SLC14A2: variants seen among roughly 807,000 people sequenced by gnomAD.
SLC14A2 encodes the protein solute carrier family 14 member 2, also known as urea transporter 2.
A neutral mutation model predicts 104.6 loss-of-function variants in SLC14A2; 91 were observed. That is an observed-to-expected ratio of 0.87 (90% CI 0.73 to 1.04). The LOEUF (loss-of-function observed/expected upper bound fraction) is 1.04. SLC14A2 is among the 50% of genes least tolerant of loss of function. The pLI, the probability that SLC14A2 is intolerant of heterozygous loss-of-function variation, is 0.00. For missense variants in SLC14A2, 1,189 were observed against 1,156.0 expected (o/e 1.03, Z -0.41); for synonymous variants, 476 against 466.4 (o/e 1.02, Z -0.27).
At chr18:45,539,164 T>C (rs142640633) in intron 2 of SLC14A2, among the ~76,000 whole-genome samples, 659 of 15,558 alleles carry the variant, frequency 0.042, 8 homozygotes, top group African/African-American at 0.12. Context: ...AGCAATGGAC[T>C]CTAGGTGGAT....
intron 2 of SLC14A2, 111 bp downstream of exon 2, chr18:45,624,925 G>A (rs1334528624): frequency 5.5e-6 from 6 of 1,100,256 alleles, no homozygotes; most frequent in South Asian, 1.6e-5. Context: ...CTGAGGAAGT[G>A]CCACTGTCAG....
At chr18:45,480,324 A>G (rs527959379) in intron 1 of SLC14A2, among the ~76,000 whole-genome samples, 2 of 151,830 alleles carry the variant, frequency 1.3e-5, no homozygotes, top group African/African-American at 4.8e-5. Context: ...TTCTTTCTTC[A>G]CCTTGAGTTT....
At chr18:45,258,686 AG>A (rs1221164953) in intron 1 of SLC14A2, among the ~76,000 whole-genome samples, 1 of 143,112 alleles carries the variant, frequency 7.0e-6, no homozygotes, top group Non-Finnish European at 1.5e-5. Context: ...TCTTTGTTAT[AG>A]TATCTTATTT....
At chr18:45,491,073 C>T (rs1266161482) in intron 2 of SLC14A2, among the ~76,000 whole-genome samples, 2 of 152,176 alleles carry the variant, frequency 1.3e-5, no homozygotes, top group African/African-American at 4.8e-5. Flanking sequence ...TAAGGATATA[C>T]ATACCCTATG....
At chr18:45,672,100 C>T (rs751963898) in intron 16 of SLC14A2, among the ~76,000 whole-genome samples, 15 of 152,154 alleles carry the variant, frequency 9.9e-5, no homozygotes, top group Non-Finnish European at 1.8e-4. Context: ...TTCTCCTGGC[C>T]GCTCCTGTAG....
At chr18:45,194,220 T>C in the SLC14A2 span, among the ~76,000 whole-genome samples, 1 of 152,198 alleles carries the variant, frequency 6.6e-6, no homozygotes, top group Admixed American at 6.5e-5. Context: ...CTAACTAGAA[T>C]CTCCAGTATA....
chr18:45,435,432 G>T (rs79883581), intron 1 of SLC14A2: 1 of 152,272 alleles, frequency 6.6e-6, no homozygotes, highest in African/African-American at 2.4e-5. Context: ...AGAAATCTGT[G>T]CATGAAAAAT....
At chr18:45,373,729 G>A (rs774076266) in intron 1 of SLC14A2, among the ~76,000 whole-genome samples, 4 of 152,192 alleles carry the variant, frequency 2.6e-5, no homozygotes, top group Admixed American at 6.5e-5. Context: ...GTGGTTAAGT[G>A]CACAGGCCTT....
intron 1 of SLC14A2, among the ~76,000 whole-genome samples, chr18:45,271,535 C>A (rs1238418151): frequency 6.6e-6 from 1 of 151,826 alleles, no homozygotes; most frequent in African/African-American, 2.4e-5. Context: ...ATCTGAAACA[C>A]AAATCAAAAA....
upstream of SLC14A2, among the ~76,000 whole-genome samples, chr18:45,210,041 A>C (rs1025514543): frequency 7.2e-5 from 11 of 152,162 alleles, no homozygotes; most frequent in African/African-American, 2.4e-4. Flanking sequence ...TGCATGTCTT[A>C]CCTCCTCAAA....
At chr18:45,308,966 A>C (rs2085051153) in intron 1 of SLC14A2, among the ~76,000 whole-genome samples, 1 of 152,128 alleles carries the variant, frequency 6.6e-6, no homozygotes, top group South Asian at 2.1e-4. Flanking sequence ...AGGAACTCAG[A>C]CTTAGGAGGG....
chr18:45,323,711 A>C (rs758360710), intron 1 of SLC14A2, among the ~76,000 whole-genome samples: 76 of 152,186 alleles, frequency 5.0e-4, no homozygotes, highest in Admixed American at 9.8e-4. Flanking sequence ...GCATCCTAGC[A>C]CTTCCTGTGT....
intron 2 of SLC14A2, among the ~76,000 whole-genome samples, chr18:45,539,243 T>C (rs1401404660): frequency 2.0e-5 from 3 of 152,104 alleles, no homozygotes; most frequent in Non-Finnish European, 4.4e-5. Context: ...TGGAAGAAAG[T>C]TGGGCAAGAA....
At chr18:45,178,161 A>G in the SLC14A2 span, among the ~76,000 whole-genome samples, 1 of 152,328 alleles carries the variant, frequency 6.6e-6, no homozygotes, top group Non-Finnish European at 1.5e-5. Flanking sequence ...ATTAGAATCC[A>G]TAAACACATA....
chr18:45,555,522 G>GA (rs1420795342), intron 2 of SLC14A2, among the ~76,000 whole-genome samples: 3 of 152,082 alleles, frequency 2.0e-5, no homozygotes, highest in Non-Finnish European at 4.4e-5. Context: ...ACAATCTACA[G>GA]AAAAAAAGCT....
intron 2 of SLC14A2, among the ~76,000 whole-genome samples, chr18:45,494,347 G>A (rs2043054094): frequency 2.0e-5 from 3 of 152,164 alleles, no homozygotes; most frequent in Admixed American, 2.0e-4. Context: ...AACAAGAAGT[G>A]CCGCTTCTTC....
At chr18:45,244,046 C>T (rs550597901) in intron 1 of SLC14A2, among the ~76,000 whole-genome samples, 140 of 152,236 alleles carry the variant, frequency 9.2e-4, no homozygotes, top group South Asian at 1.5e-3. Context: ...TTCATGGGAG[C>T]TTACCAAACC....
At chr18:45,206,146 T>C in the SLC14A2 span, among the ~76,000 whole-genome samples, 8 of 152,344 alleles carry the variant, frequency 5.3e-5, no homozygotes, top group African/African-American at 1.9e-4. Context: ...ATTTACAAGA[T>C]AATTGTTCTA....
At chr18:45,218,328 G>A (rs1057104925) in intron 1 of SLC14A2, among the ~76,000 whole-genome samples, 1 of 152,068 alleles carries the variant, frequency 6.6e-6, no homozygotes, top group Admixed American at 6.6e-5. Flanking sequence ...CCATATTGTA[G>A]CATATATCAG....
Sources: allele counts gnomAD v4.1 joint callset (sites outside exome capture counted in the v4.1 genomes callset), GRCh38; gene constraint gnomAD v4.1.1; transcripts MANE v1.5; gene names NCBI Gene and HGNC (gene_info 2026-07-23, HGNC 2026-07-21).